APLP2: variants seen among roughly 807,000 people sequenced by gnomAD.
The protein encoded by APLP2 is CDEI box-binding protein.
Under a neutral mutation model 89.9 loss-of-function variants are expected in APLP2, and 53 were observed. The ratio of observed to expected loss-of-function variants is 0.59; its 90% CI spans 0.47 to 0.74. APLP2 has a LOEUF of 0.74. Among genes scored for constraint, APLP2 ranks in the 30% least tolerant of loss-of-function variants. The probability of loss-of-function intolerance (pLI) is 0.00; values close to 1 mark genes in which losing one functional copy is unlikely to be tolerated. For missense variants in APLP2, 973 were observed against 975.9 expected, an observed-to-expected ratio of 1.00 and a Z score of 0.04; for synonymous variants, 372 against 348.6, an observed-to-expected ratio of 1.07 and a Z score of -0.75.
chr11:130,115,399 A>G (rs1443818602), intron 3 of APLP2, among the ~76,000 whole-genome samples: 1 of 152,198 alleles, frequency 6.6e-6, no homozygotes, highest in Non-Finnish European at 1.5e-5. Flanking sequence ...TTATTCTGAA[A>G]GGAATTTCAG....
chr11:130,137,591 G>C (rs920615269), intron 13 of APLP2, among the ~76,000 whole-genome samples: 10 of 152,182 alleles, frequency 6.6e-5, no homozygotes, highest in Non-Finnish European at 1.3e-4. Context: ...TTTTAATCTG[G>C]GTAGATTTTT....
At position 130,112,021 on chromosome 11, in the gene APLP2, T is replaced by C. The variant is rs924936131; in HGVS notation, c.403+1360T>C. 2.5e-4 allele frequency among the ~76,000 whole-genome samples: 38 copies of C among 152,284 alleles called. 1 individual carries two copies. Among genetic ancestry groups the C allele is most frequent in the Admixed American group, 1.7e-3 (26 of 15,306 alleles). On this transcript the variant is annotated intron_variant, in intron 3 of 16. Coordinates refer to ENST00000338167, the MANE Select transcript of APLP2 (RefSeq NM_001142276.2). ...GACATCTGAGTGGGACCTGGGAGAC[T>C]CTTCGATTCTTTTGTTATCCTTTAT...
At chr11:130,132,270 ATG>A (rs1164989314) in intron 11 of APLP2, among the ~76,000 whole-genome samples, 2 of 152,232 alleles carry the variant, frequency 1.3e-5, no homozygotes, top group African/African-American at 4.8e-5. Flanking sequence ...GATTGACAGA[ATG>A]GCAAATATAA....
chr11:130,143,409 G>T lies in APLP2; in HGVS notation c.2217G>T (p.Glu739Asp), dbSNP rs1277847633. ...ACAAGATGCAGAACCATGGCTATGA[G>T]AACCCCACCTACAAATACCTGGAGC... is the stretch of plus-strand genomic sequence containing the variant. ...HLNKMQNHGY[E>D]NPTYKYLEQM... Residue 739 changes from glutamate (E) to aspartate (D), a missense_variant, in exon 17 of 17, where the codon GAG becomes GAT. By Grantham distance (45) the Glu-to-Asp change is conservative (BLOSUM62 2). Transcript: ENST00000338167. The T allele has an allele frequency of 6.2e-7, 1 of 1,613,714 alleles. No individual in the cohort carries two copies. The highest frequency in any genetic ancestry group is 8.5e-7 in the Non-Finnish European group (1 of 1,179,968).
In APLP2 at chr11:130,078,294, G is replaced by A. The variant is rs75925263; in HGVS notation, c.105+8212G>A. Among the ~76,000 whole-genome samples, 1,340 of 151,598 alleles carry A rather than the reference G, an allele frequency of 8.8e-3. 19 individuals carry two copies. Among genetic ancestry groups the A allele is most frequent in the African/African-American group, 0.031 (1,289 of 41,310 alleles). ...GTGTAGCTGTGGCTCACTCATTTCC[G>A]TTGCTGCATAGTACTCCATTATATG... On this transcript the variant is annotated intron_variant, in intron 1 of 16. Transcript: ENST00000338167.
intron 1 of APLP2, among the ~76,000 whole-genome samples, chr11:130,097,353 T>C (rs922102777): frequency 3.3e-5 from 5 of 152,230 alleles, no homozygotes; most frequent in Admixed American, 6.5e-5. Flanking sequence ...AGCAAAGATA[T>C]GGGTTATTCA....
chr11:130,091,242 G>T (rs1321347270), intron 1 of APLP2, among the ~76,000 whole-genome samples: 3 of 126,384 alleles, frequency 2.4e-5, no homozygotes, highest in East Asian at 3.0e-4. Flanking sequence ...CCTCCCTCCC[G>T]CACGGGGCGG....
chr11:130,135,545 C>T lies in APLP2; in HGVS notation c.1685-18C>T. On this transcript the variant is annotated intron_variant, in intron 12 of 16. Coordinates refer to ENST00000338167, the MANE Select transcript of APLP2 (RefSeq NM_001142276.2). ...CCTTCTGAAGCCTGCTTTCTGTCCCCTGCCCTGTCTTCATCAGATGAGCTC... is the reference window on the plus strand; with the variant it reads ...CCTTCTGAAGCCTGCTTTCTGTCCCTTGCCCTGTCTTCATCAGATGAGCTC... 1.9e-6 allele frequency: 3 copies of T among 1,613,084 alleles called. No individual in the cohort carries two copies. Among genetic ancestry groups the T allele is most frequent in the Non-Finnish European group, 2.5e-6 (3 of 1,179,252 alleles).
intron 11 of APLP2, among the ~76,000 whole-genome samples, chr11:130,131,131 C>T (rs528072124): frequency 6.6e-6 from 1 of 152,310 alleles, no homozygotes; most frequent in East Asian, 1.9e-4. Context: ...TGGAGTCCCA[C>T]TCTGTCACTC....
intron 1 of APLP2, among the ~76,000 whole-genome samples, chr11:130,103,619 A>C (rs897420193): frequency 3.9e-5 from 6 of 152,216 alleles, no homozygotes; most frequent in African/African-American, 1.4e-4. Flanking sequence ...TCTTTTAGCC[A>C]ACAACCATAA....
chr11:130,073,875 A>C (rs1941621068), intron 1 of APLP2, among the ~76,000 whole-genome samples: 1 of 152,218 alleles, frequency 6.6e-6, no homozygotes, highest in South Asian at 2.1e-4. Flanking sequence ...AATCTTATAA[A>C]AAATGCAAAA....
intron 1 of APLP2, among the ~76,000 whole-genome samples, chr11:130,104,206 CTTTTTTTTTTTTTTT>C (rs59598831): frequency 3.9e-5 from 3 of 76,988 alleles, no homozygotes; most frequent in Admixed American, 1.5e-4. Flanking sequence ...TGGTACACAT[CTTTTTTTTTTTTTTT>C]TTTTTTTTTT....
intron 11 of APLP2, among the ~76,000 whole-genome samples, chr11:130,131,083 G>A (rs111580277): frequency 0.021 from 3,245 of 152,268 alleles, 142 homozygotes; most frequent in African/African-American, 0.074. Context: ...TAACTGTAAA[G>A]GTGAAGAGCA....
At chr11:130,103,054 T>C (rs1947152205) in intron 1 of APLP2, among the ~76,000 whole-genome samples, 1 of 152,232 alleles carries the variant, frequency 6.6e-6, no homozygotes, top group East Asian at 1.9e-4. Flanking sequence ...AAGTGCTGAC[T>C]TGGCAGCAAA....
chr11:130,137,360 C>T, intron 13 of APLP2: 1 of 1,412,266 alleles, frequency 7.1e-7, no homozygotes, highest in Middle Eastern at 1.8e-4. Context: ...TCCGAAGCTT[C>T]ATGTTCTGTT....
In APLP2 at chr11:130,132,648, A is replaced by G. The variant is rs694875; in HGVS notation, c.1585-981A>G. 5.8e-3 allele frequency among the ~76,000 whole-genome samples: 870 copies of G among 148,812 alleles called. 8 individuals carry two copies. The highest frequency in any genetic ancestry group is 0.021 in the African/African-American group (822 of 39,852). On this transcript the variant is annotated intron_variant, in intron 11 of 16. Transcript: ENST00000338167. ...TAATGAATAACCTTAGAACTTTTGC[A>G]TTCAGAAAAGGCAGTGAGCTACGGT...
Position 130,141,790 on chromosome 11 carries a change from G to A in APLP2, c.1999-129G>A, listed in dbSNP as rs1490867992. ...CCACCTGTGGGTGGTTCCCTGCAAA[G>A]CAGGATCTTGGTGCTACTTTGGGTT... On this transcript the variant is annotated intron_variant, in intron 15 of 16. Coordinates refer to ENST00000338167, the MANE Select transcript of APLP2 (RefSeq NM_001142276.2). The surrounding 1 kb of genome is among the most constrained non-coding windows in gnomAD (Gnocchi z 4.2). 2.6e-6 allele frequency: 3 copies of A among 1,176,346 alleles called. No individual in the cohort carries two copies. Among genetic ancestry groups the A allele is most frequent in the East Asian group, 2.4e-5 (1 of 41,404 alleles). The allele number at this position is 1,176,346 out of a possible 1,614,324, so 72.9% of individuals were successfully genotyped here.
At chr11:130,110,980 T>G (rs1490146249) in intron 3 of APLP2, among the ~76,000 whole-genome samples, 2 of 152,142 alleles carry the variant, frequency 1.3e-5, no homozygotes, top group Non-Finnish European at 2.9e-5. Flanking sequence ...CTGAGTAGTA[T>G]TAAAGCAAGC....
rs1253237550 is a variant in APLP2 at position 130,100,899 on chromosome 11, G to GT, written c.106-8524dup. The stretch of plus-strand genomic sequence containing the variant: ...ATGTAATGCAAACTCTAAATAATAG[G>GT]TTTTTTCATTTTACTGCTATACAAC... On this transcript the variant is annotated intron_variant, in intron 1 of 16. Transcript: ENST00000338167. Among the ~76,000 whole-genome samples, 11 of 152,222 alleles carry GT rather than the reference G, an allele frequency of 7.2e-5. No individual in the cohort carries two copies. The East Asian group carries it at 1.9e-3, about 27-fold the overall frequency.
Sources: gnomAD v4.1 joint callset for allele counts (sites outside exome capture counted in the v4.1 genomes callset) on GRCh38, gnomAD v4.1.1 for gene constraint, Gnocchi (gnomAD v3.1) non-coding constraint, MANE v1.5 for transcripts, NCBI Gene and HGNC (gene_info 2026-07-23, HGNC 2026-07-21) for gene names.